Variants in MRPS27 observed in about 807,000 individuals in gnomAD.
MRPS27 encodes mitochondrial ribosomal protein S27.
MRPS27 carries 43 observed loss-of-function variants against 48.9 expected under a neutral mutation model. The observed-to-expected ratio is 0.88, with a 90% confidence interval of 0.69 to 1.13. The LOEUF is 1.13. Ranked by LOEUF, MRPS27 falls within the 50% of genes most tolerant of loss-of-function variation. The probability of loss-of-function intolerance (pLI) is 0.00; values close to 1 mark genes in which losing one functional copy is unlikely to be tolerated. For missense variants in MRPS27, 467 were observed against 476.3 expected, an observed-to-expected ratio of 0.98 and a Z score of 0.18; for synonymous variants, 188 against 171.9, an observed-to-expected ratio of 1.09 and a Z score of -0.73.
At chr5:72,314,280 T>C in intron 1 of MRPS27, 122 bp from the exon 2 acceptor site, 1 of 636,388 alleles carries the variant, frequency 1.6e-6, no homozygotes, top group East Asian at 2.8e-5. Context: ...AATAATCTAA[T>C]ACAGTACAGC....
intron 4 of MRPS27, among the ~76,000 whole-genome samples, chr5:72,266,537 TTATTGAAC>T (rs1749110985): frequency 6.6e-6 from 1 of 152,146 alleles, no homozygotes; most frequent in Non-Finnish European, 1.5e-5. Flanking sequence ...AAGGAAAATG[TTATTGAAC>T]TACAGGAGAA....
intron 4 of MRPS27, among the ~76,000 whole-genome samples, chr5:72,242,814 GGCTAAAGTGGCAATGCTCATCA>G (rs1340294407): frequency 2.0e-5 from 3 of 152,078 alleles, no homozygotes; most frequent in African/African-American, 7.2e-5. Context: ...ATTGTTGAAC[GGCTAAAGTGGCAATGCTCATCA>G]GCATTTTCGG....
chr5:72,279,412 A>T (rs1205912951), intron 4 of MRPS27, among the ~76,000 whole-genome samples: 1 of 152,122 alleles, frequency 6.6e-6, no homozygotes. Flanking sequence ...TAATTTTGTT[A>T]CTGGTGGTAA....
intron 4 of MRPS27, among the ~76,000 whole-genome samples, chr5:72,254,378 T>C (rs1172425884): frequency 2.6e-5 from 4 of 152,056 alleles, no homozygotes; most frequent in Admixed American, 6.5e-5. Flanking sequence ...CACACACACA[T>C]ATATTAATAT....
At chr5:72,271,124 G>T (rs1410168704) in intron 4 of MRPS27, among the ~76,000 whole-genome samples, 1 of 152,146 alleles carries the variant, frequency 6.6e-6, no homozygotes, top group Non-Finnish European at 1.5e-5. Flanking sequence ...CATTGTATTG[G>T]AAGTCCTAGC....
intron 6 of MRPS27, among the ~76,000 whole-genome samples, chr5:72,232,994 A>T (rs1006674323): frequency 6.6e-6 from 1 of 152,228 alleles, no homozygotes; most frequent in East Asian, 1.9e-4. Flanking sequence ...AGACACATAT[A>T]TTCTCAAGGT....
At chr5:72,241,838 T>C (rs1748359958) in intron 4 of MRPS27, 4 of 681,448 alleles carry the variant, frequency 5.9e-6, no homozygotes, top group Non-Finnish European at 1.0e-5. Flanking sequence ...TCTGTGCGCC[T>C]ATGCCATCAG....
chr5:72,250,578 C>T (rs1012622862), intron 4 of MRPS27, among the ~76,000 whole-genome samples: 3 of 152,168 alleles, frequency 2.0e-5, no homozygotes, highest in Non-Finnish European at 2.9e-5. Flanking sequence ...TTGATTAGAA[C>T]CCAGCCCCGA....
At chr5:72,246,696 T>C (rs903933551) in intron 4 of MRPS27, among the ~76,000 whole-genome samples, 2 of 152,202 alleles carry the variant, frequency 1.3e-5, no homozygotes, top group African/African-American at 4.8e-5. Flanking sequence ...AGACTATTTA[T>C]TGAGAATTTA....
intron 2 of MRPS27, among the ~76,000 whole-genome samples, chr5:72,304,190 T>G (rs1256169351): frequency 1.3e-5 from 2 of 150,556 alleles, no homozygotes; most frequent in Non-Finnish European, 3.0e-5. Context: ...AGGGCAACAA[T>G]CTCTAAAAAA....
At chr5:72,312,919 T>C (rs1034741793) in intron 2 of MRPS27, among the ~76,000 whole-genome samples, 3 of 152,116 alleles carry the variant, frequency 2.0e-5, no homozygotes, top group Admixed American at 2.0e-4. Flanking sequence ...CACCCAGCCA[T>C]ATACTGGTTT....
At chr5:72,295,482 AG>A in intron 4 of MRPS27, 48 bp downstream of exon 4, 1 of 1,355,256 alleles carries the variant, frequency 7.4e-7, no homozygotes, top group South Asian at 1.2e-5. Flanking sequence ...TATGTAAAAA[AG>A]GGGTGTGAAA....
intron 10 of MRPS27, among the ~76,000 whole-genome samples, chr5:72,222,740 C>T (rs1161887969): frequency 6.6e-6 from 1 of 152,102 alleles, no homozygotes; most frequent in Admixed American, 6.5e-5. Context: ...TCTCTGGGTA[C>T]CTTGGGAATA....
intron 4 of MRPS27, among the ~76,000 whole-genome samples, chr5:72,253,778 T>C (rs962934953): frequency 1.3e-5 from 2 of 152,194 alleles, no homozygotes; most frequent in African/African-American, 4.8e-5. Context: ...ACAAGAAATA[T>C]TGTTAAGATG....
At chr5:72,309,220 T>C (rs1750369040) in intron 2 of MRPS27, among the ~76,000 whole-genome samples, 2 of 151,786 alleles carry the variant, frequency 1.3e-5, no homozygotes, top group Admixed American at 6.6e-5. Flanking sequence ...AAACTAGTCT[T>C]AACTGAGGAA....
intron 2 of MRPS27, among the ~76,000 whole-genome samples, chr5:72,313,490 T>C (rs1006109182): frequency 6.6e-6 from 1 of 152,210 alleles, no homozygotes; most frequent in Non-Finnish European, 1.5e-5. Context: ...TAAAAACTGC[T>C]CATTGAGTCA....
intron 4 of MRPS27, among the ~76,000 whole-genome samples, chr5:72,277,829 T>C (rs2112028048): frequency 6.6e-6 from 1 of 152,086 alleles, no homozygotes; most frequent in South Asian, 2.1e-4. Context: ...CTCAGCAAAC[T>C]AACCCAGGAA....
At chr5:72,300,193 T>C (rs1247634835) in intron 2 of MRPS27, among the ~76,000 whole-genome samples, 2 of 152,254 alleles carry the variant, frequency 1.3e-5, no homozygotes, top group African/African-American at 2.4e-5. Flanking sequence ...ACTTGACTTC[T>C]ATCATTTGAT....
At position 72,231,258 on chromosome 5, in the gene MRPS27, G is replaced by A. The variant is rs549498223; in HGVS notation, c.591+1185C>T. 7.2e-5 allele frequency among the ~76,000 whole-genome samples: 11 copies of A among 152,174 alleles called. No homozygotes were observed. The East Asian group carries it at 2.1e-3, about 29-fold the overall frequency. ...TCTGCTCACTAAGTTTTCTGCCACAGGGTATTTGGACATGTAATTTCCTCT... is the reference window on the plus strand; with the variant it reads ...TCTGCTCACTAAGTTTTCTGCCACAAGGTATTTGGACATGTAATTTCCTCT... On this transcript the variant is annotated intron_variant, in intron 7 of 10. Transcript: ENST00000261413.
Sources: gnomAD v4.1 joint callset for allele counts (sites outside exome capture counted in the v4.1 genomes callset) on GRCh38, gnomAD v4.1.1 for gene constraint, MANE v1.5 for transcripts, NCBI Gene and HGNC (gene_info 2026-07-23, HGNC 2026-07-21) for gene names.